ZNF69: variants seen among roughly 807,000 people sequenced by gnomAD.
The protein encoded by ZNF69 is ZNF3.
ZNF69 carries 47 observed loss-of-function variants against 50.9 expected under a neutral mutation model. The ratio of observed to expected loss-of-function variants is 0.92; its 90% CI spans 0.73 to 1.18. The LOEUF is 1.18. ZNF69 is among the 50% of genes most tolerant of loss of function. ZNF69 has a pLI of 0.00. For synonymous variants in ZNF69, 216 were observed against 223.1 expected (o/e 0.97, Z 0.29); for missense variants, 717 against 675.1 (o/e 1.06, Z -0.69).
chr19:11,925,302 A>G, the ZNF69 span: 1 of 1,608,688 alleles, frequency 6.2e-7, no homozygotes, highest in African/African-American at 1.3e-5. Flanking sequence ...ATGTCGTGAG[A>G]CGGGGGAGGG....
At chr19:11,921,856 T>C in the ZNF69 span, among the ~76,000 whole-genome samples, 1 of 152,144 alleles carries the variant, frequency 6.6e-6, no homozygotes, top group Admixed American at 6.6e-5. Context: ...TTATTATCTA[T>C]AGAGCAGTTA....
intron 1 of ZNF69, among the ~76,000 whole-genome samples, chr19:11,890,005 T>C (rs1172902632): frequency 1.3e-5 from 2 of 152,218 alleles, no homozygotes; most frequent in African/African-American, 4.8e-5. Flanking sequence ...AACAGAGCAG[T>C]ATTGCTGCCA....
intron 1 of ZNF69, among the ~76,000 whole-genome samples, chr19:11,893,962 G>A (rs186487777): frequency 2.0e-5 from 3 of 152,176 alleles, no homozygotes; most frequent in Admixed American, 2.0e-4. Context: ...TATCCCAAAA[G>A]ACAAGGAACA....
In ZNF69 at chr19:11,905,388, C is replaced by T; in HGVS notation, c.991C>T (p.Pro331Ser). 8 of 1,614,180 alleles carry T rather than the reference C, an allele frequency of 5.0e-6. No homozygotes were observed. Among genetic ancestry groups the T allele is most frequent in the African/African-American group, 1.3e-5 (1 of 75,062 alleles). ...IHERTHSRKK[P>S]YECTQCGKAL... ...TGAAAGGACCCACTCTAGGAAAAAACCCTATGAATGTACGCAGTGTGGGAA... is the reference window on the plus strand; with the variant it reads ...TGAAAGGACCCACTCTAGGAAAAAATCCTATGAATGTACGCAGTGTGGGAA... Residue 331 changes from proline to serine, a missense_variant, in exon 4 of 4, where the codon CCC becomes TCC. Pro to Ser is a moderately conservative substitution (Grantham distance 74). Transcript: ENST00000429654.
the ZNF69 span, among the ~76,000 whole-genome samples, chr19:11,922,119 T>C: frequency 6.6e-6 from 1 of 151,648 alleles, no homozygotes; most frequent in Non-Finnish European, 1.5e-5. Context: ...CAGAGCAATG[T>C]TGAAGGAAAA....
At chr19:11,974,046 TTC>T in the ZNF69 span, among the ~76,000 whole-genome samples, 1 of 151,210 alleles carries the variant, frequency 6.6e-6, no homozygotes, top group African/African-American at 2.5e-5. Context: ...ATTGTTTTCT[TTC>T]TTTCTTTCTT....
the ZNF69 span, among the ~76,000 whole-genome samples, chr19:11,963,088 A>AGAGAGAGAGAGTGTGTGTGTGT: frequency 8.4e-4 from 116 of 138,316 alleles, 1 homozygote; most frequent in African/African-American, 3.3e-3. Context: ...AGAGAGAGAG[A>AGAGAGAGAGAGTGTGTGTGTGT]GTGTGTGTGT....
chr19:11,897,965 GATAATT>G (rs1388702453), intron 1 of ZNF69, among the ~76,000 whole-genome samples: 25 of 151,960 alleles, frequency 1.6e-4, no homozygotes, highest in African/African-American at 6.0e-4. Context: ...GACTGTTGCT[GATAATT>G]ATAATTCACT....
downstream of ZNF69, among the ~76,000 whole-genome samples, chr19:11,918,374 A>G (rs540840311): frequency 5.9e-5 from 9 of 152,114 alleles, no homozygotes; most frequent in East Asian, 1.5e-3. Context: ...ATTGCTTTTT[A>G]TTTGTTGCCA....
Position 11,905,915 on chromosome 19 carries a change from T to G in ZNF69, c.1518T>G (p.Tyr506Ter), listed in dbSNP as rs772175865. 22 of 1,613,894 alleles carry G rather than the reference T, an allele frequency of 1.4e-5. No homozygotes were observed. Among genetic ancestry groups the G allele is most frequent in the Non-Finnish European group, 1.9e-5 (22 of 1,180,018 alleles). Residue 506 changes from tyrosine to a stop codon, truncating the protein, a stop_gained, in exon 4 of 4, where the codon TAT (tyrosine) becomes TAG (stop). Transcript: ENST00000429654. LOFTEE classifies it high-confidence loss of function. ...AAACTCACACTGGAGAGAAACTCTA[T>G]GAATGCAAGCAATGTGGTGAAGCCT... ...HEKTHTGEKL[Y>*]ECKQCGEAFS...
the ZNF69 span, among the ~76,000 whole-genome samples, chr19:11,969,366 A>C: frequency 1.3e-5 from 2 of 152,160 alleles, no homozygotes; most frequent in Non-Finnish European, 2.9e-5. Context: ...TGGCCTCCCA[A>C]AGTGGTGGGA....
the ZNF69 span, among the ~76,000 whole-genome samples, chr19:11,936,729 T>G: frequency 6.6e-6 from 1 of 152,208 alleles, no homozygotes; most frequent in Admixed American, 6.5e-5. Flanking sequence ...TCTGTTGCCA[T>G]TGCTTTTGGT....
At chr19:11,948,891 T>C in the ZNF69 span, 1 of 1,604,030 alleles carries the variant, frequency 6.2e-7, no homozygotes, top group African/African-American at 1.4e-5. Flanking sequence ...CATTTCATAG[T>C]TCTAGTTCCT....
chr19:11,974,159 C>CT, the ZNF69 span, among the ~76,000 whole-genome samples: 9 of 75,822 alleles, frequency 1.2e-4, no homozygotes, highest in African/African-American at 3.2e-4. Context: ...TCTTTCTTTC[C>CT]TTCCTTCCTT....
At chr19:11,917,296 C>T (rs1329224894), downstream of ZNF69, among the ~76,000 whole-genome samples, 1 of 152,214 alleles carries the variant, frequency 6.6e-6, no homozygotes, top group Non-Finnish European at 1.5e-5. Flanking sequence ...TCCACTGACT[C>T]ACAGTGAGCG....
At chr19:11,963,233 G>A in the ZNF69 span, among the ~76,000 whole-genome samples, 1 of 152,004 alleles carries the variant, frequency 6.6e-6, no homozygotes, top group Non-Finnish European at 1.5e-5. Flanking sequence ...GAGACTATAG[G>A]TACACACCAC....
the ZNF69 span, chr19:11,965,201 GC>G: frequency 6.2e-7 from 1 of 1,614,118 alleles, no homozygotes; most frequent in Non-Finnish European, 8.5e-7. Context: ...ACATCTGAAA[GC>G]CAGGAAATGG....
the ZNF69 span, among the ~76,000 whole-genome samples, chr19:11,935,097 A>T: frequency 7.3e-6 from 1 of 137,338 alleles, no homozygotes; most frequent in East Asian, 2.2e-4. Context: ...AATGGCATGA[A>T]CCCGGGAGGC....
rs1359036341 is a variant in ZNF69, at chr19:11,906,603, G to A, written c.*505G>A. On this transcript the variant is annotated 3_prime_UTR_variant, in exon 4 of 4. Transcript: ENST00000429654. ...CTCAAGCAAAATCCAACAGACCTCA[G>A]CTGAGGGTCCTGACTGTTAGAAGGA... 1.3e-5 allele frequency among the ~76,000 whole-genome samples: 2 copies of A among 152,194 alleles called. No individual in the cohort carries two copies. Among genetic ancestry groups the A allele is most frequent in the Non-Finnish European group, 2.9e-5 (2 of 68,044 alleles).
Sources: allele counts gnomAD v4.1 joint callset (sites outside exome capture counted in the v4.1 genomes callset), GRCh38; gene constraint gnomAD v4.1.1; transcripts MANE v1.5; gene names NCBI Gene and HGNC (gene_info 2026-07-23, HGNC 2026-07-21).